The following SLC5A8 variants were observed in gnomAD, a reference collection of about 807,000 sequenced individuals.
SLC5A8 encodes solute carrier family 5 member 8.
SLC5A8 carries 55 observed loss-of-function variants against 71.9 expected under a neutral mutation model. That is an observed-to-expected ratio of 0.77 (90% confidence interval 0.62 to 0.96). SLC5A8 has a LOEUF of 0.96. SLC5A8 is among the 40% of genes least tolerant of loss of function. The probability of loss-of-function intolerance (pLI) is 0.00; values close to 1 mark genes in which losing one functional copy is unlikely to be tolerated. For missense variants in SLC5A8, 701 were observed against 745.3 expected (o/e 0.94, Z 0.69); for synonymous variants, 307 against 276.1 (o/e 1.11, Z -1.11).
rs1384787556 is a variant in SLC5A8, at chr12:101,156,287, G to A, written c.*992C>T. 1 of 152,150 alleles carries A rather than the reference G, an allele frequency of 6.6e-6. No individual in the cohort carries two copies. Among genetic ancestry groups the A allele is most frequent in the Non-Finnish European group, 1.5e-5 (1 of 68,026 alleles). The allele number at this position is 152,150 out of a possible 1,614,324, so 9.4% of individuals were successfully genotyped here. A position where few individuals can be genotyped will look rare whatever the true frequency, so the allele number is the denominator to read the frequency against. Reference sequence around the variant, plus strand: ...AAAGTTCAACTTAATAGCATTAAGTGTAGTCATCTAACTCCATGGAGCTTA... The same window carrying A: ...AAAGTTCAACTTAATAGCATTAAGTATAGTCATCTAACTCCATGGAGCTTA... On this transcript the variant is annotated 3_prime_UTR_variant, in exon 15 of 15. Coordinates refer to ENST00000536262, the MANE Select transcript of SLC5A8 (RefSeq NM_145913.5).
chr12:101,159,304 A>T (rs1439855026), intron 13 of SLC5A8, among the ~76,000 whole-genome samples: 1 of 152,226 alleles, frequency 6.6e-6, no homozygotes, highest in Admixed American at 6.5e-5. Context: ...GTTATTGAGT[A>T]CCTACTGTGT....
Position 101,158,578 on chromosome 12 carries a change from CTCTCTCTCTCTCTCTCTCTCTATATATA to C in SLC5A8, c.1631-278_1631-251del, listed in dbSNP as rs1273727299. Among the ~76,000 whole-genome samples the C allele has an allele frequency of 8.3e-3, 526 of 63,690 alleles. 2 individuals carry two copies. The highest frequency in any genetic ancestry group is 0.021 in the Middle Eastern group (3 of 142). 41.8% of individuals were successfully genotyped at this position (63,690 alleles called of 152,430 possible). A position where few individuals can be genotyped will look rare whatever the true frequency, so the allele number is the denominator to read the frequency against. ...TCTCTCTCTCTCTCTCTCTCTCTCT[CTCTCTCTCTCTCTCTCTCTCTATATATA>C]TATATATATATATATATATATATAT... On this transcript the variant is annotated intron_variant, in intron 13 of 14. Transcript: ENST00000536262.
At chr12:101,202,377 T>G (rs994131575) in intron 2 of SLC5A8, among the ~76,000 whole-genome samples, 162 bp from the exon 3 acceptor site, 13 of 152,216 alleles carry the variant, frequency 8.5e-5, no homozygotes, top group Non-Finnish European at 2.9e-5. Flanking sequence ...GCAAAATATT[T>G]AAGTAAAGTT....
At position 101,157,295 on chromosome 12, in the gene SLC5A8, T is replaced by G; in HGVS notation, c.1817A>C (p.Asn606Thr). The change falls in exon 15 of 15, where the codon AAT (asparagine) becomes ACT (threonine). Residue 606 changes from asparagine to threonine, a missense_variant. Transcript: ENST00000536262. Reference protein sequence around the residue: ...ELNSDQSGKSNGTRL With the variant: ...ELNSDQSGKSTGTRL ...AGAGCAGCTTCACAAACGAGTCCCA[T>G]TGCTCTTGCCACTCTGATCTGAGTT... 2 of 1,613,336 alleles carry G rather than the reference T, an allele frequency of 1.2e-6. No individual in the cohort carries two copies. Among genetic ancestry groups the G allele is most frequent in the Non-Finnish European group, 1.7e-6 (2 of 1,179,642 alleles).
chr12:101,195,288 A>G (rs1368159311), intron 3 of SLC5A8, 126 bp from the exon 4 acceptor site: 2 of 849,184 alleles, frequency 2.4e-6, no homozygotes, highest in African/African-American at 3.4e-5. Context: ...ACTTGCCTAA[A>G]GCTAAAACTA....
Position 101,157,212 on chromosome 12 carries a change from A to G in SLC5A8, c.*67T>C. 6.4e-7 allele frequency: 1 copy of G among 1,568,598 alleles called. No homozygotes were observed. The highest frequency in any genetic ancestry group is 8.7e-7 in the Non-Finnish European group (1 of 1,152,922). On this transcript the variant is annotated 3_prime_UTR_variant, in exon 15 of 15. Transcript: ENST00000536262. ...CACACACACACACAAAGAAAACCTG[A>G]TCCAATTATCTTAGAAAACATATAA...
At chr12:101,187,276 T>C (rs766814292) in intron 7 of SLC5A8, 110 bp downstream of exon 7, 17 of 1,186,732 alleles carry the variant, frequency 1.4e-5, no homozygotes, top group Admixed American at 2.8e-5. Context: ...AAGATGATGA[T>C]GGCATGTCCA....
chr12:101,193,890 G>T, intron 4 of SLC5A8, 111 bp from the exon 5 acceptor site: 1 of 1,094,542 alleles, frequency 9.1e-7, no homozygotes, highest in Non-Finnish European at 1.3e-6. Context: ...TGTTGGCTAA[G>T]AAGTGCACTC....
At chr12:101,202,009 G>C (rs1198388811) in intron 3 of SLC5A8, among the ~76,000 whole-genome samples, 155 bp downstream of exon 3, 1 of 152,206 alleles carries the variant, frequency 6.6e-6, no homozygotes, top group Non-Finnish European at 1.5e-5. Context: ...AAAGAAGCTA[G>C]TGTAGACACT....
intron 11 of SLC5A8, among the ~76,000 whole-genome samples, chr12:101,167,024 T>C (rs995446222): frequency 6.6e-6 from 1 of 151,450 alleles, no homozygotes; most frequent in East Asian, 1.9e-4. Flanking sequence ...GCAGGAAGAA[T>C]AGTATGTTAT....
chr12:101,158,961 A>G lies in SLC5A8; in HGVS notation c.1631-633T>C, dbSNP rs2051701465. ...CTAAGGTTTTCTTTACAAAAAAAAA[A>G]AAAAAAATTCTATTTTGCTTTGGTA... On this transcript the variant is annotated intron_variant, in intron 13 of 14. Transcript: ENST00000536262. Among the ~76,000 whole-genome samples the G allele has an allele frequency of 2.0e-5, 3 of 151,752 alleles. No individual in the cohort carries two copies. In the South Asian group the frequency reaches 6.3e-4, roughly 32 times the overall value.
intron 10 of SLC5A8, among the ~76,000 whole-genome samples, chr12:101,175,637 G>C (rs2051873219): frequency 6.6e-6 from 1 of 151,882 alleles, no homozygotes; most frequent in Non-Finnish European, 1.5e-5. Flanking sequence ...AAAAACCTGA[G>C]AGCATTCAGA....
chr12:101,162,748 G>T (rs2137122456), intron 12 of SLC5A8, among the ~76,000 whole-genome samples: 1 of 152,338 alleles, frequency 6.6e-6, no homozygotes, highest in East Asian at 1.9e-4. Context: ...ACCAGAGGGT[G>T]AAGGGAGACA....
rs939493234 is a variant in SLC5A8 at position 101,195,158 on chromosome 12, T to C, written c.474A>G (p.Thr158=). 5.0e-6 allele frequency: 8 copies of C among 1,613,874 alleles called. No individual in the cohort carries two copies. The highest frequency in any genetic ancestry group is 2.2e-5 in the East Asian group (1 of 44,890). ...CTACCGCGCCCCACAGATCAAATCC[T>C]GTGACTGTAGAAAAAAATAGAATGC... ...YAPALALNQV[T]GFDLWGAVVA... Residue 158 remains threonine (T), a synonymous_variant, in exon 4 of 15, where the codon ACA becomes ACG. Transcript: ENST00000536262.
chr12:101,161,908 A>G (rs1566304994), intron 13 of SLC5A8, 66 bp downstream of exon 13: 1 of 1,109,768 alleles, frequency 9.0e-7, no homozygotes, highest in East Asian at 2.4e-5. Context: ...ATAAATAGCT[A>G]TAAAACAGAT....
At position 101,189,874 on chromosome 12, in the gene SLC5A8, G is replaced by A. The variant is rs75264881; in HGVS notation, c.833+594C>T. On this transcript the variant is annotated intron_variant, in intron 6 of 14. Coordinates refer to ENST00000536262, the MANE Select transcript of SLC5A8 (RefSeq NM_145913.5). ...TACATATACTAGGCCTTTACCATGC[G>A]TATGCCAAACACAGTATTTTACGAC... is the stretch of plus-strand genomic sequence containing the variant. 6.1e-3 allele frequency among the ~76,000 whole-genome samples: 928 copies of A among 152,250 alleles called. 9 individuals carry two copies. The highest frequency in any genetic ancestry group is 0.01 in the Non-Finnish European group (708 of 68,030).
At chr12:101,205,086 C>T (rs975507126) in intron 1 of SLC5A8, among the ~76,000 whole-genome samples, 2 of 152,184 alleles carry the variant, frequency 1.3e-5, no homozygotes, top group Non-Finnish European at 2.9e-5. Flanking sequence ...AATTGCCCTG[C>T]CTCTTCTGAC....
chr12:101,201,480 G>A (rs112372431), intron 3 of SLC5A8, among the ~76,000 whole-genome samples: 1 of 152,138 alleles, frequency 6.6e-6, no homozygotes, highest in African/African-American at 2.4e-5. Context: ...AATTCACTTC[G>A]AATAGATAAG....
intron 3 of SLC5A8, 127 bp downstream of exon 3, chr12:101,202,037 C>G (rs1316663766): frequency 6.5e-6 from 6 of 920,056 alleles, no homozygotes; most frequent in Non-Finnish European, 1.0e-5. Flanking sequence ...TCCTGCCCCG[C>G]TAAGTAAAGC....
Sources: gnomAD v4.1 joint callset for allele counts (sites outside exome capture counted in the v4.1 genomes callset) on GRCh38, gnomAD v4.1.1 for gene constraint, MANE v1.5 for transcripts, NCBI Gene and HGNC (gene_info 2026-07-23, HGNC 2026-07-21) for gene names.